The following LYRM7 variants were observed in gnomAD, a reference collection of about 807,000 sequenced individuals.
The protein encoded by LYRM7 is complex III assembly factor LYRM7.
A neutral mutation model predicts 15.8 loss-of-function variants in LYRM7; 9 were observed. The observed-to-expected ratio is 0.57, with a 90% confidence interval of 0.34 to 0.99. LYRM7 has a LOEUF of 0.99. LYRM7 is among the 50% of genes least tolerant of loss of function. LYRM7 has a pLI of 0.02. For missense variants in LYRM7, 115 were observed against 119.1 expected, an observed-to-expected ratio of 0.97 and a Z score of 0.16; for synonymous variants, 39 against 39.4, an observed-to-expected ratio of 0.99 and a Z score of 0.04.
Position 131,199,517 on chromosome 5 carries a change from T to A in LYRM7, c.245-14T>A. On this transcript the variant is annotated splice_polypyrimidine_tract_variant and intron_variant, in intron 4 of 4. Coordinates refer to ENST00000379380, the MANE Select transcript of LYRM7 (RefSeq NM_181705.4). ...TAGTGATGTTAATTATTCTCTTTTT[T>A]TTTTTTCTTTCAGAACTGGTCCCTA... is the stretch of plus-strand genomic sequence containing the variant. 3.2e-6 allele frequency: 5 copies of A among 1,560,266 alleles called. No homozygotes were observed. Among genetic ancestry groups the A allele is most frequent in the Non-Finnish European group, 4.3e-6 (5 of 1,153,772 alleles).
intron 1 of LYRM7, among the ~76,000 whole-genome samples, chr5:131,177,085 T>C (rs1755613882): frequency 1.3e-5 from 2 of 152,196 alleles, no homozygotes; most frequent in African/African-American, 2.4e-5. Flanking sequence ...CATTTCTTCA[T>C]CTTTAAATTA....
intron 1 of LYRM7, among the ~76,000 whole-genome samples, chr5:131,174,014 A>G (rs953019187): frequency 1.3e-5 from 2 of 152,230 alleles, no homozygotes; most frequent in Admixed American, 6.5e-5. Context: ...GTAGCATGCA[A>G]TGCTGTTTGA....
chr5:131,196,645 C>G (rs1256910810), intron 4 of LYRM7, among the ~76,000 whole-genome samples: 2 of 151,730 alleles, frequency 1.3e-5, no homozygotes, highest in Non-Finnish European at 2.9e-5. Flanking sequence ...CAAGCACTAG[C>G]CCAGAACTGC....
chr5:131,195,310 G>C (rs1234387837), intron 4 of LYRM7, among the ~76,000 whole-genome samples: 1 of 151,964 alleles, frequency 6.6e-6, no homozygotes, highest in Non-Finnish European at 1.5e-5. Context: ...TTGAAAAAGA[G>C]GTTGAATGCA....
At chr5:131,172,392 G>A (rs755842506) in intron 1 of LYRM7, among the ~76,000 whole-genome samples, 1 of 150,882 alleles carries the variant, frequency 6.6e-6, no homozygotes, top group Non-Finnish European at 1.5e-5. Context: ...TAGCCTGGGT[G>A]ACAGAGCAAG....
intron 1 of LYRM7, among the ~76,000 whole-genome samples, chr5:131,179,877 G>T (rs375668156): frequency 6.6e-6 from 1 of 151,970 alleles, no homozygotes; most frequent in Non-Finnish European, 1.5e-5. Flanking sequence ...CGGAGGTTGT[G>T]GTGAGCCAAG....
At chr5:131,191,982 G>A (rs1006380252) in intron 4 of LYRM7, among the ~76,000 whole-genome samples, 2 of 139,776 alleles carry the variant, frequency 1.4e-5, no homozygotes, top group African/African-American at 5.2e-5. Context: ...ACCAAGATAC[G>A]GAATCAACCT....
intron 4 of LYRM7, among the ~76,000 whole-genome samples, chr5:131,189,348 C>T (rs987987679): frequency 1.4e-5 from 2 of 137,978 alleles, no homozygotes; most frequent in Admixed American, 1.7e-4. Context: ...GAGGCTGAGG[C>T]AGGAGAATGG....
At chr5:131,181,429 A>AC (rs1202639913) in intron 2 of LYRM7, among the ~76,000 whole-genome samples, 1 of 112,106 alleles carries the variant, frequency 8.9e-6, no homozygotes, top group Non-Finnish European at 1.6e-5. Flanking sequence ...ATATATATAT[A>AC]ACATATATAT....
intron 4 of LYRM7, among the ~76,000 whole-genome samples, chr5:131,196,777 C>G (rs1005425492): frequency 1.3e-5 from 2 of 152,024 alleles, no homozygotes; most frequent in African/African-American, 2.4e-5. Context: ...AGCGATTCTC[C>G]TGCCTCAGCC....
Position 131,194,934 on chromosome 5 carries a change from G to T in LYRM7, c.245-4597G>T, listed in dbSNP as rs1436480082. Among the ~76,000 whole-genome samples, 4 of 152,260 alleles carry T rather than the reference G, an allele frequency of 2.6e-5. No homozygotes were observed. The South Asian group carries it at 6.2e-4, about 24-fold the overall frequency. Reference sequence around the variant, plus strand: ...CTAGTAACAAAGACCAACAGTTAAAGCTTTTATAGTCCACTTCCTGGTGAT... The same window carrying T: ...CTAGTAACAAAGACCAACAGTTAAATCTTTTATAGTCCACTTCCTGGTGAT... On this transcript the variant is annotated intron_variant, in intron 4 of 4. Transcript: ENST00000379380.
intron 1 of LYRM7, among the ~76,000 whole-genome samples, chr5:131,175,067 A>G (rs995278329): frequency 2.6e-5 from 4 of 152,118 alleles, no homozygotes; most frequent in African/African-American, 4.8e-5. Flanking sequence ...TCCGCGAACC[A>G]TGCTTTAAAC....
At chr5:131,189,071 G>A (rs1320730287) in intron 4 of LYRM7, among the ~76,000 whole-genome samples, 2 of 151,828 alleles carry the variant, frequency 1.3e-5, no homozygotes, top group Non-Finnish European at 1.5e-5. Context: ...ACTTGAATGT[G>A]GGAGGCAGAG....
chr5:131,193,798 T>C (rs965827288), intron 4 of LYRM7, among the ~76,000 whole-genome samples: 1 of 152,034 alleles, frequency 6.6e-6, no homozygotes, highest in Non-Finnish European at 1.5e-5. Flanking sequence ...TCAACTGAGG[T>C]CAGAAGTTCA....
At chr5:131,172,281 G>A (rs964597461) in intron 1 of LYRM7, among the ~76,000 whole-genome samples, 5 of 152,190 alleles carry the variant, frequency 3.3e-5, no homozygotes, top group African/African-American at 1.2e-4. Flanking sequence ...GGGCATAGGG[G>A]CGGGTGCCTG....
At chr5:131,192,311 G>A (rs1359761887) in intron 4 of LYRM7, among the ~76,000 whole-genome samples, 2 of 152,030 alleles carry the variant, frequency 1.3e-5, no homozygotes, top group Non-Finnish European at 2.9e-5. Context: ...TTGGTTAATG[G>A]GTCCAAAATT....
In LYRM7 at chr5:131,200,069, A is replaced by G. The variant is rs574069087; in HGVS notation, c.*468A>G. ...CAGTGTATGCCAGCTCTCTACAGAA[A>G]GTGGCCTTTGTTTTCTAAAGCACTG... On this transcript the variant is annotated 3_prime_UTR_variant, in exon 5 of 5. Transcript: ENST00000379380. 6.6e-6 allele frequency: 1 copy of G among 152,518 alleles called. No individual in the cohort carries two copies. The highest frequency in any genetic ancestry group is 1.9e-4 in the East Asian group (1 of 5,326). 9.4% of individuals were successfully genotyped at this position (152,518 alleles called of 1,614,324 possible). A position where few individuals can be genotyped will look rare whatever the true frequency, so the allele number is the denominator to read the frequency against.
intron 1 of LYRM7, among the ~76,000 whole-genome samples, chr5:131,175,427 G>C (rs550396921): frequency 6.6e-6 from 1 of 152,072 alleles, no homozygotes; most frequent in East Asian, 1.9e-4. Flanking sequence ...TCAAACTCCT[G>C]ACCTCAGGTG....
chr5:131,173,444 C>T (rs1580690878), intron 1 of LYRM7, among the ~76,000 whole-genome samples: 1 of 152,166 alleles, frequency 6.6e-6, no homozygotes, highest in East Asian at 1.9e-4. Flanking sequence ...AGCATTATGT[C>T]TTTAGAAAGT....
Sources: gnomAD v4.1 joint callset for allele counts (sites outside exome capture counted in the v4.1 genomes callset) on GRCh38, gnomAD v4.1.1 for gene constraint, MANE v1.5 for transcripts, NCBI Gene and HGNC (gene_info 2026-07-23, HGNC 2026-07-21) for gene names.